The following LPP variants were observed in gnomAD, a reference collection of about 807,000 sequenced individuals.
LPP encodes the protein LIM domain containing preferred translocation partner in lipoma.
A neutral mutation model predicts 60.4 loss-of-function variants in LPP; 38 were observed. The ratio of observed to expected loss-of-function variants is 0.63; its 90% CI spans 0.49 to 0.83. The LOEUF is 0.83. Among genes scored for constraint, LPP ranks in the 40% least tolerant of loss-of-function variants. LPP has a pLI of 0.00. For missense variants in LPP, 902 were observed against 783.6 expected (o/e 1.15, Z -1.80); for synonymous variants, 328 against 290.8 (o/e 1.13, Z -1.30).
Position 188,874,336 on chromosome 3 carries a change from T to A in LPP, c.1711-15T>A. The A allele has an allele frequency of 1.2e-6, 2 of 1,608,206 alleles. No individual in the cohort carries two copies. Among genetic ancestry groups the A allele is most frequent in the Non-Finnish European group, 1.7e-6 (2 of 1,175,942 alleles). ...TTTTTACTTATGTCGTTTCCATCTG[T>A]CTTTACTGTTCTAGGATTGCGGTGG... On this transcript the variant is annotated splice_polypyrimidine_tract_variant and intron_variant, in intron 11 of 11. Transcript: ENST00000617246.
intron 2 of LPP, among the ~76,000 whole-genome samples, chr3:188,239,184 C>T (rs551595449): frequency 6.6e-6 from 1 of 152,158 alleles, no homozygotes; most frequent in South Asian, 2.1e-4. Context: ...GTTTCTCTGC[C>T]CCTGCGGCAG....
chr3:188,627,556 T>C (rs550501300), intron 7 of LPP, among the ~76,000 whole-genome samples: 106 of 152,210 alleles, frequency 7.0e-4, no homozygotes, highest in African/African-American at 2.5e-3. Flanking sequence ...AAAAGGGCAT[T>C]ACATAATGAT....
intron 1 of LPP, among the ~76,000 whole-genome samples, chr3:188,186,180 C>T (rs1726542965): frequency 6.6e-6 from 1 of 152,180 alleles, no homozygotes; most frequent in South Asian, 2.1e-4. Flanking sequence ...CTAAATATAG[C>T]TCCAACCCCC....
At position 188,791,391 on chromosome 3, in the gene LPP, C is replaced by T. The variant is rs374978134; in HGVS notation, c.1410+31109C>T. Among the ~76,000 whole-genome samples the T allele has an allele frequency of 7.0e-4, 106 of 152,212 alleles. 2 individuals carry two copies. The highest frequency in any genetic ancestry group is 2.5e-3 in the African/African-American group (105 of 41,524). ...AGTCCCTCTTCCCAATGCTCTGTCT[C>T]TAGTTGTTCTGTATATAAAAGCTAA... is the stretch of plus-strand genomic sequence containing the variant. On this transcript the variant is annotated intron_variant, in intron 9 of 11. Coordinates refer to ENST00000617246, the MANE Select transcript of LPP (RefSeq NM_001375462.1).
intron 6 of LPP, among the ~76,000 whole-genome samples, chr3:188,525,205 T>C (rs562539855): frequency 6.6e-6 from 1 of 152,282 alleles, no homozygotes; most frequent in East Asian, 1.9e-4. Flanking sequence ...GACCTCATGA[T>C]CTGCCTGCCT....
At chr3:188,642,765 T>C (rs148339682) in intron 7 of LPP, among the ~76,000 whole-genome samples, 5 of 152,158 alleles carry the variant, frequency 3.3e-5, no homozygotes, top group African/African-American at 4.8e-5. Flanking sequence ...AGAGAAACCC[T>C]GTCTCTACTA....
At chr3:188,398,626 C>T (rs1781520181) in intron 3 of LPP, among the ~76,000 whole-genome samples, 1 of 152,202 alleles carries the variant, frequency 6.6e-6, no homozygotes, top group Non-Finnish European at 1.5e-5. Context: ...TGACCTGATG[C>T]TTCAGAGGAA....
intron 7 of LPP, among the ~76,000 whole-genome samples, chr3:188,613,712 T>G (rs907038508): frequency 1.3e-5 from 2 of 151,962 alleles, no homozygotes; most frequent in Admixed American, 6.6e-5. Context: ...TAGAACAGAT[T>G]GTTGCTTTTC....
intron 9 of LPP, among the ~76,000 whole-genome samples, chr3:188,832,076 C>T (rs1215326456): frequency 6.6e-6 from 1 of 152,176 alleles, no homozygotes; most frequent in African/African-American, 2.4e-5. Flanking sequence ...ATGACCCCTG[C>T]CTCCTGGTGT....
rs544729293 is a variant in LPP, at chr3:188,888,803, G to C, written c.*14324G>C. 21 of 220,814 alleles carry C rather than the reference G, an allele frequency of 9.5e-5. No individual in the cohort carries two copies. The highest frequency in any genetic ancestry group is 1.5e-4 in the Non-Finnish European group (17 of 110,216). 13.7% of individuals were successfully genotyped at this position (220,814 alleles called of 1,614,324 possible). On this transcript the variant is annotated 3_prime_UTR_variant, in exon 12 of 12. Transcript: ENST00000617246. ...CAATATCCCCTCTCAAGCGGCTACC[G>C]TGAAACGGGCTGCAAACACATTCCC...
At chr3:188,743,327 G>A (rs1234188253) in intron 8 of LPP, among the ~76,000 whole-genome samples, 3 of 152,052 alleles carry the variant, frequency 2.0e-5, no homozygotes, top group East Asian at 3.9e-4. Flanking sequence ...TGTAGCAGGA[G>A]GCACACAGCT....
chr3:188,728,716 A>G (rs1719310921), intron 8 of LPP, among the ~76,000 whole-genome samples: 1 of 152,238 alleles, frequency 6.6e-6, no homozygotes. Context: ...ATTATCTTCC[A>G]GATTTTATGT....
At chr3:188,595,670 G>C (rs1198788921) in intron 6 of LPP, among the ~76,000 whole-genome samples, 1 of 152,148 alleles carries the variant, frequency 6.6e-6, no homozygotes, top group African/African-American at 2.4e-5. Context: ...CAGCAAAGCT[G>C]TTAGAAATAT....
chr3:188,392,090 G>A lies in LPP; in HGVS notation c.-9-14022G>A, dbSNP rs1309022493. ...TTAAGGGTGATGGTTTTCATATTTCGGGCATGTCTTCCATAAGGCTTTGTG... is the reference window on the plus strand; with the variant it reads ...TTAAGGGTGATGGTTTTCATATTTCAGGCATGTCTTCCATAAGGCTTTGTG... On this transcript the variant is annotated intron_variant, in intron 3 of 11. Coordinates refer to ENST00000617246, the MANE Select transcript of LPP (RefSeq NM_001375462.1). Among the ~76,000 whole-genome samples, 4 of 152,020 alleles carry A rather than the reference G, an allele frequency of 2.6e-5. No individual in the cohort carries two copies. The East Asian group carries it at 5.8e-4, about 22-fold the overall frequency.
intron 2 of LPP, chr3:188,240,198 A>T (rs552696981): frequency 5.5e-6 from 1 of 180,504 alleles, no homozygotes; most frequent in Admixed American, 6.3e-5. Context: ...TGTGTGTTTC[A>T]TTTTCCTTTC....
intron 1 of LPP, among the ~76,000 whole-genome samples, chr3:188,162,844 G>A (rs1718721879): frequency 6.6e-6 from 1 of 152,124 alleles, no homozygotes; most frequent in Non-Finnish European, 1.5e-5. Flanking sequence ...GGGGCTGAAA[G>A]GATTTAGACC....
chr3:188,431,424 G>A (rs542618175), intron 4 of LPP, among the ~76,000 whole-genome samples: 2 of 152,216 alleles, frequency 1.3e-5, no homozygotes, highest in Admixed American at 6.5e-5. Context: ...CCAACCCTAG[G>A]AGCACGAGAC....
intron 9 of LPP, among the ~76,000 whole-genome samples, chr3:188,766,010 A>G (rs1474996534): frequency 2.6e-5 from 4 of 151,494 alleles, no homozygotes; most frequent in Non-Finnish European, 5.9e-5. Context: ...AGCTGGGATT[A>G]CAGGCGCCCA....
chr3:188,403,644 C>A (rs1254388219), intron 3 of LPP, among the ~76,000 whole-genome samples: 1 of 151,992 alleles, frequency 6.6e-6, no homozygotes, highest in African/African-American at 2.4e-5. Flanking sequence ...ATTGGCATTT[C>A]TCAGCCATGT....
Sources: allele counts gnomAD v4.1 joint callset (sites outside exome capture counted in the v4.1 genomes callset), GRCh38; gene constraint gnomAD v4.1.1; transcripts MANE v1.5; gene names NCBI Gene and HGNC (gene_info 2026-07-23, HGNC 2026-07-21).